Variants in BABAM2 observed in about 807,000 individuals in gnomAD.
BABAM2 encodes BRISC and BRCA1 A complex member 2.
Under a neutral mutation model 54.7 loss-of-function variants are expected in BABAM2, and 31 were observed. That is an observed-to-expected ratio of 0.57 (90% confidence interval 0.43 to 0.77). BABAM2 has a LOEUF of 0.77. Ranked by LOEUF, BABAM2 falls within the 30% of genes least tolerant of loss-of-function variation. The pLI is 0.00. For missense variants in BABAM2, 364 were observed against 455.8 expected, an observed-to-expected ratio of 0.80 and a Z score of 1.83; for synonymous variants, 167 against 162.9, an observed-to-expected ratio of 1.03 and a Z score of -0.19.
chr2:28,231,685 A>G (rs1272793413), intron 7 of BABAM2, among the ~76,000 whole-genome samples: 1 of 149,270 alleles, frequency 6.7e-6, no homozygotes, highest in Non-Finnish European at 1.5e-5. Context: ...GACAGAGAAG[A>G]CTTTTAGAGT....
intron 6 of BABAM2, among the ~76,000 whole-genome samples, chr2:28,061,813 G>A (rs867476160): frequency 1.3e-5 from 2 of 151,708 alleles, no homozygotes; most frequent in African/African-American, 2.4e-5. Flanking sequence ...TTTCAGATAG[G>A]CTAAATGTCA....
At chr2:27,890,440 C>G, upstream of BABAM2, 1 of 1,267,508 alleles carries the variant, frequency 7.9e-7, no homozygotes, top group Non-Finnish European at 1.1e-6. This position sits in a 1 kb window ranked among gnomAD's most constrained non-coding sequence, Gnocchi z 4.8. Flanking sequence ...CCTAACGACG[C>G]GGGCCTTTCA....
rs138650017 is a variant in BABAM2 at position 27,917,607 on chromosome 2, A to G, written c.129-12225A>G. Among the ~76,000 whole-genome samples the G allele has an allele frequency of 2.5e-3, 387 of 152,256 alleles. 1 individual carries two copies. Among genetic ancestry groups the G allele is most frequent in the African/African-American group, 8.8e-3 (367 of 41,544 alleles). ...TTATGAGGCCTCCGTTTTATGACCTAGTCAGCTCTCAAAGGCCCTACCTCT... is the reference window on the plus strand; with the variant it reads ...TTATGAGGCCTCCGTTTTATGACCTGGTCAGCTCTCAAAGGCCCTACCTCT... On this transcript the variant is annotated intron_variant, in intron 2 of 11. Transcript: ENST00000379624.
intron 6 of BABAM2, among the ~76,000 whole-genome samples, chr2:28,051,038 T>C (rs1346884993): frequency 2.0e-5 from 3 of 152,210 alleles, no homozygotes; most frequent in African/African-American, 7.2e-5. Flanking sequence ...TTAATCCCCT[T>C]ATAACTGGGT....
At chr2:28,282,728 G>A (rs1322354475) in intron 10 of BABAM2, among the ~76,000 whole-genome samples, 3 of 152,062 alleles carry the variant, frequency 2.0e-5, no homozygotes, top group African/African-American at 4.8e-5. Flanking sequence ...AGCCGGGCAC[G>A]GTGGCTCATG....
At chr2:28,320,451 G>A (rs976037942) in intron 11 of BABAM2, among the ~76,000 whole-genome samples, 1 of 152,270 alleles carries the variant, frequency 6.6e-6, no homozygotes, top group African/African-American at 2.4e-5. Context: ...GAGAAGGGCA[G>A]TGGGAGCCCA....
intron 6 of BABAM2, among the ~76,000 whole-genome samples, chr2:28,052,011 A>G (rs1187815768): frequency 1.3e-5 from 2 of 152,112 alleles, no homozygotes; most frequent in African/African-American, 4.8e-5. Flanking sequence ...AAAGAATTAG[A>G]ACCAAGAAAA....
intron 2 of BABAM2, among the ~76,000 whole-genome samples, chr2:27,907,666 AAAC>A (rs747257024): frequency 3.9e-5 from 6 of 152,266 alleles, no homozygotes; most frequent in South Asian, 4.1e-4. Flanking sequence ...CTCTACCATT[AAAC>A]AACAACTTCC....
chr2:28,259,761 G>A (rs1292427340), intron 10 of BABAM2, among the ~76,000 whole-genome samples: 1 of 151,696 alleles, frequency 6.6e-6, no homozygotes, highest in Non-Finnish European at 1.5e-5. Flanking sequence ...TTAATTTTGT[G>A]TATGGTATAA....
intron 6 of BABAM2, among the ~76,000 whole-genome samples, chr2:28,099,778 G>A (rs996592526): frequency 1.3e-5 from 2 of 152,134 alleles, no homozygotes; most frequent in African/African-American, 2.4e-5. Flanking sequence ...TTTGAAAACA[G>A]TAATCCTAAT....
intron 7 of BABAM2, among the ~76,000 whole-genome samples, chr2:28,147,471 G>A (rs1185294883): frequency 6.6e-6 from 1 of 151,340 alleles, no homozygotes; most frequent in Non-Finnish European, 1.5e-5. Flanking sequence ...TTCCCTTTAG[G>A]AAAATCTTTT....
chr2:28,119,254 C>T (rs1668859583), intron 6 of BABAM2, among the ~76,000 whole-genome samples: 1 of 152,160 alleles, frequency 6.6e-6, no homozygotes, highest in South Asian at 2.1e-4. Flanking sequence ...ATTAAGAGCA[C>T]ACTTAGGGCA....
At chr2:28,306,898 A>G (rs2148266451) in intron 11 of BABAM2, among the ~76,000 whole-genome samples, 1 of 144,136 alleles carries the variant, frequency 6.9e-6, no homozygotes, top group South Asian at 2.2e-4. Context: ...GGGTTTCACC[A>G]TGTTGGCCAG....
At chr2:28,048,342 T>C (rs1157222413) in intron 6 of BABAM2, among the ~76,000 whole-genome samples, 2 of 152,228 alleles carry the variant, frequency 1.3e-5, no homozygotes, top group African/African-American at 2.4e-5. Context: ...TTCAGTGATA[T>C]GATTTCCCTT....
At chr2:27,946,629 AGAGAGAGAGAGAAAGAGAGGC>A (rs1488699623) in intron 3 of BABAM2, among the ~76,000 whole-genome samples, 2 of 151,858 alleles carry the variant, frequency 1.3e-5, no homozygotes, top group South Asian at 2.1e-4. Flanking sequence ...GGAGCGAGAT[AGAGAGAGAGAGAAAGAGAGGC>A]GAGAGAGAGA....
chr2:28,072,776 C>T (rs1664285873), intron 6 of BABAM2, among the ~76,000 whole-genome samples: 1 of 152,192 alleles, frequency 6.6e-6, no homozygotes, highest in East Asian at 1.9e-4. Context: ...GTTTCTCAGT[C>T]TTTTCATGGT....
intron 6 of BABAM2, among the ~76,000 whole-genome samples, chr2:28,090,806 C>T (rs975825350): frequency 3.9e-5 from 6 of 152,256 alleles, no homozygotes; most frequent in African/African-American, 1.2e-4. Flanking sequence ...CTTTAGAGGA[C>T]AAGGGTTCAA....
intron 10 of BABAM2, among the ~76,000 whole-genome samples, chr2:28,267,303 A>G (rs1399061369): frequency 6.6e-6 from 1 of 152,264 alleles, no homozygotes; most frequent in Non-Finnish European, 1.5e-5. Context: ...CAAGAGGCAG[A>G]ACAACTCCAC....
At chr2:28,198,303 A>G (rs779955625) in intron 7 of BABAM2, among the ~76,000 whole-genome samples, 45 of 151,984 alleles carry the variant, frequency 3.0e-4, no homozygotes, top group Non-Finnish European at 5.3e-4. Context: ...AGCTGAGATT[A>G]CAGGTGCCCG....
Sources: gnomAD v4.1 joint callset for allele counts (sites outside exome capture counted in the v4.1 genomes callset) on GRCh38, gnomAD v4.1.1 for gene constraint, Gnocchi (gnomAD v3.1) non-coding constraint, MANE v1.5 for transcripts, NCBI Gene and HGNC (gene_info 2026-07-23, HGNC 2026-07-21) for gene names.